Variants in FNBP1 observed in about 807,000 individuals in gnomAD.
The protein encoded by FNBP1 is formin-binding protein 1.
FNBP1 carries 26 observed loss-of-function variants against 90.6 expected under a neutral mutation model. The ratio of observed to expected loss-of-function variants is 0.29; its 90% CI spans 0.21 to 0.40. The LOEUF (loss-of-function observed/expected upper bound fraction) is 0.40, where lower values mean the gene tolerates loss of function less well. FNBP1 is among the 10% of genes least tolerant of loss of function. The pLI is 1.00. For missense variants in FNBP1, 635 were observed against 768.0 expected, an observed-to-expected ratio of 0.83 and a Z score of 2.05; for synonymous variants, 260 against 265.2, an observed-to-expected ratio of 0.98 and a Z score of 0.19.
chr9:129,952,687 G>T (rs546566545), intron 6 of FNBP1, among the ~76,000 whole-genome samples: 1 of 151,944 alleles, frequency 6.6e-6, no homozygotes, highest in East Asian at 1.9e-4. Flanking sequence ...TGGGAAAGGG[G>T]GCCACTTTTT....
intron 8 of FNBP1, among the ~76,000 whole-genome samples, chr9:129,926,318 T>C (rs2041902013): frequency 6.6e-6 from 1 of 152,170 alleles, no homozygotes; most frequent in Non-Finnish European, 1.5e-5. Context: ...AAATTAACAG[T>C]AAAAGCCTAT....
chr9:129,998,577 T>C (rs1301354420), intron 1 of FNBP1, among the ~76,000 whole-genome samples: 3 of 151,898 alleles, frequency 2.0e-5, no homozygotes, highest in Non-Finnish European at 2.9e-5. Flanking sequence ...AAAGCCTTGA[T>C]TGTTTTCAGC....
intron 11 of FNBP1, among the ~76,000 whole-genome samples, chr9:129,910,445 G>A (rs1377334719): frequency 8.1e-6 from 1 of 123,244 alleles, no homozygotes; most frequent in East Asian, 2.7e-4. Flanking sequence ...TCGTGCCGCT[G>A]TACTCCAGCC....
chr9:130,020,867 T>C (rs1035513924), intron 1 of FNBP1, among the ~76,000 whole-genome samples: 3 of 152,084 alleles, frequency 2.0e-5, no homozygotes, highest in African/African-American at 7.2e-5. Context: ...CAACGGGGAA[T>C]GTAAAATGAG....
chr9:129,896,772 C>T (rs1007790025), intron 15 of FNBP1, among the ~76,000 whole-genome samples: 4 of 152,080 alleles, frequency 2.6e-5, no homozygotes, highest in African/African-American at 9.7e-5. Context: ...GCTGAGATTA[C>T]AGGCATGTGC....
At chr9:129,992,682 T>A (rs538434482) in intron 2 of FNBP1, among the ~76,000 whole-genome samples, 27 of 146,896 alleles carry the variant, frequency 1.8e-4, no homozygotes, top group African/African-American at 6.7e-4. Context: ...GCCTCCTGAA[T>A]AGCTGGGATT....
At position 129,932,561 on chromosome 9, in the gene FNBP1, T is replaced by G. The variant is rs147690130; in HGVS notation, c.514-2866A>C. Reference sequence around the variant, plus strand: ...CACTTCCCAAATGAAGGTAACAATATCAGTATTTCCAAACACATTTCCTTA... The same window carrying G: ...CACTTCCCAAATGAAGGTAACAATAGCAGTATTTCCAAACACATTTCCTTA... On this transcript the variant is annotated intron_variant, in intron 6 of 16. Coordinates refer to ENST00000446176, the MANE Select transcript of FNBP1 (RefSeq NM_015033.3). Among the ~76,000 whole-genome samples the G allele has an allele frequency of 7.9e-5, 12 of 152,322 alleles. No individual in the cohort carries two copies. In the East Asian group the frequency reaches 2.3e-3, roughly 29 times the overall value.
chr9:130,050,104 AT>A, the FNBP1 span, among the ~76,000 whole-genome samples: 10 of 152,230 alleles, frequency 6.6e-5, no homozygotes, highest in South Asian at 8.3e-4. Context: ...AATTCTCAGG[AT>A]TTTTTCTTCT....
chr9:129,914,710 C>A (rs2039933457), intron 11 of FNBP1, among the ~76,000 whole-genome samples: 2 of 141,724 alleles, frequency 1.4e-5, no homozygotes, highest in Admixed American at 7.3e-5. Context: ...GGTCCATTAC[C>A]AAATACTAAG....
chr9:129,916,017 A>G (rs1161227557), intron 10 of FNBP1, 37 bp from the exon 11 acceptor site: 2 of 1,472,594 alleles, frequency 1.4e-6, no homozygotes, highest in South Asian at 1.2e-5. Context: ...GGAAAAATAG[A>G]GAGAAAGAGA....
At chr9:129,942,901 C>G (rs1334247076) in intron 6 of FNBP1, among the ~76,000 whole-genome samples, 1 of 151,440 alleles carries the variant, frequency 6.6e-6, no homozygotes, top group Non-Finnish European at 1.5e-5. Context: ...CTATGTTGCC[C>G]AGGCTGGTCT....
intron 1 of FNBP1, among the ~76,000 whole-genome samples, chr9:130,037,780 A>AT (rs2059455599): frequency 6.6e-6 from 1 of 152,178 alleles, no homozygotes; most frequent in Non-Finnish European, 1.5e-5. Context: ...TTATATATAT[A>AT]TTTTACAACT....
At chr9:129,958,439 A>G (rs943187505) in intron 5 of FNBP1, 52 bp downstream of exon 5, 2 of 1,318,674 alleles carry the variant, frequency 1.5e-6, no homozygotes, top group African/African-American at 2.5e-5. Flanking sequence ...CTCAAAAAAA[A>G]AGAAAAAAAA....
chr9:129,922,044 C>T (rs889091490), intron 10 of FNBP1, among the ~76,000 whole-genome samples: 6 of 151,082 alleles, frequency 4.0e-5, no homozygotes, highest in African/African-American at 1.5e-4. Context: ...TATTGCAACT[C>T]CCACAGGGTA....
chr9:129,970,134 C>T (rs144405976), intron 4 of FNBP1, among the ~76,000 whole-genome samples: 314 of 151,714 alleles, frequency 2.1e-3, no homozygotes, highest in African/African-American at 6.8e-3. Context: ...CTCGATCTCC[C>T]GACCTCATGA....
At chr9:129,923,589 A>G (rs1461675828) in intron 10 of FNBP1, among the ~76,000 whole-genome samples, 3 of 151,378 alleles carry the variant, frequency 2.0e-5, no homozygotes, top group South Asian at 2.1e-4. Context: ...AAAAAAAAAA[A>G]AAAGAAAGAA....
intron 12 of FNBP1, among the ~76,000 whole-genome samples, chr9:129,907,599 G>A (rs2038373355): frequency 1.3e-5 from 2 of 151,090 alleles, no homozygotes; most frequent in African/African-American, 4.9e-5. Context: ...GTGTGTGTGT[G>A]TGTGTGTGTG....
chr9:129,899,789 GGGAA>G (rs1483517576), intron 15 of FNBP1, among the ~76,000 whole-genome samples, 172 bp downstream of exon 15: 1 of 134,636 alleles, frequency 7.4e-6, no homozygotes, highest in Non-Finnish European at 1.6e-5. Context: ...GGGAAGGGAA[GGGAA>G]GGAAGGAAGG....
chr9:129,916,638 G>A (rs940371102), intron 10 of FNBP1, among the ~76,000 whole-genome samples: 9 of 149,928 alleles, frequency 6.0e-5, no homozygotes, highest in Admixed American at 4.7e-4. Flanking sequence ...AAAAAAAAAA[G>A]AAAAAATATA....
Sources: gnomAD v4.1 joint callset for allele counts (sites outside exome capture counted in the v4.1 genomes callset) on GRCh38, gnomAD v4.1.1 for gene constraint, MANE v1.5 for transcripts, NCBI Gene and HGNC (gene_info 2026-07-23, HGNC 2026-07-21) for gene names.